Variants in SLC25A28 observed in about 807,000 individuals in gnomAD.
The protein encoded by SLC25A28 is solute carrier family 25 member 28.
SLC25A28 carries 10 observed loss-of-function variants against 31.9 expected under a neutral mutation model. The ratio of observed to expected loss-of-function variants is 0.31; its 90% CI spans 0.19 to 0.53. The LOEUF (loss-of-function observed/expected upper bound fraction) is 0.53, where lower values mean the gene tolerates loss of function less well. Ranked by LOEUF, SLC25A28 falls within the 20% of genes least tolerant of loss-of-function variation. The pLI is 0.95. For synonymous variants in SLC25A28, 208 were observed against 203.6 expected (o/e 1.02, Z -0.19); for missense variants, 256 against 490.3 (o/e 0.52, Z 4.51).
the SLC25A28 span, among the ~76,000 whole-genome samples, chr10:99,634,910 C>T: frequency 5.3e-5 from 8 of 152,136 alleles, no homozygotes; most frequent in Non-Finnish European, 8.8e-5. Flanking sequence ...ACCAGGTAAC[C>T]TATAAAGGAA....
chr10:99,633,919 C>A, the SLC25A28 span, among the ~76,000 whole-genome samples: 1 of 152,208 alleles, frequency 6.6e-6, no homozygotes, highest in African/African-American at 2.4e-5. Flanking sequence ...GCCACCTGCA[C>A]TGGAACAGGT....
the SLC25A28 span, among the ~76,000 whole-genome samples, chr10:99,633,246 A>AT: frequency 6.6e-6 from 1 of 151,948 alleles, no homozygotes; most frequent in Non-Finnish European, 1.5e-5. Flanking sequence ...TTCTTACTAC[A>AT]TTTTTATTAC....
chr10:99,624,657 A>C (rs2034851420), upstream of SLC25A28, among the ~76,000 whole-genome samples: 1 of 152,174 alleles, frequency 6.6e-6, no homozygotes, highest in East Asian at 1.9e-4. Flanking sequence ...CAACATGGTG[A>C]AACCCTGTCT....
At chr10:99,637,187 C>A in the SLC25A28 span, among the ~76,000 whole-genome samples, 2 of 151,942 alleles carry the variant, frequency 1.3e-5, no homozygotes, top group Non-Finnish European at 2.9e-5. Flanking sequence ...TAAAAACAAA[C>A]CACATGATCA....
chr10:99,639,722 T>TACACACACACACAC, the SLC25A28 span, among the ~76,000 whole-genome samples: 159 of 131,126 alleles, frequency 1.2e-3, no homozygotes, highest in Admixed American at 2.8e-3. Flanking sequence ...GCACCATGGG[T>TACACACACACACAC]ACACACACAC....
upstream of SLC25A28, among the ~76,000 whole-genome samples, chr10:99,623,736 C>T (rs2034832644): frequency 1.3e-5 from 2 of 152,206 alleles, no homozygotes; most frequent in Admixed American, 6.5e-5. Context: ...CACATTTCCT[C>T]CTCTGCCACA....
rs1467099430 is a variant in SLC25A28, at chr10:99,611,524, T to C, written c.578-158A>G. 2 of 863,562 alleles carry C rather than the reference T, an allele frequency of 2.3e-6. No homozygotes were observed. The highest frequency in any genetic ancestry group is 5.6e-5 in the Admixed American group (2 of 35,496). The allele number at this position is 863,562 out of a possible 1,614,324, so 53.5% of individuals were successfully genotyped here. Reference sequence around the variant, plus strand: ...GGCTAACCTGAGAAGTCAGCTTCCCTTTTTTGAGGGGAAGGAGTAAGCAGA... The same window carrying C: ...GGCTAACCTGAGAAGTCAGCTTCCCCTTTTTGAGGGGAAGGAGTAAGCAGA... On this transcript the variant is annotated intron_variant, in intron 3 of 3. Transcript: ENST00000370495. This position sits in a 1 kb window ranked among gnomAD's most constrained non-coding sequence, Gnocchi z 5.5.
At chr10:99,616,336 G>A in intron 1 of SLC25A28, 1 of 776,030 alleles carries the variant, frequency 1.3e-6, no homozygotes, top group Non-Finnish European at 1.6e-6. Flanking sequence ...ATAACATGAG[G>A]CCAAGAATGA....
the SLC25A28 span, among the ~76,000 whole-genome samples, chr10:99,651,790 A>G: frequency 2.0e-4 from 30 of 151,734 alleles, no homozygotes; most frequent in Non-Finnish European, 3.5e-4. Context: ...TTAAAGATAG[A>G]GTCTGACTGT....
chr10:99,654,604 C>T, the SLC25A28 span, among the ~76,000 whole-genome samples: 1 of 151,912 alleles, frequency 6.6e-6, no homozygotes, highest in African/African-American at 2.4e-5. Flanking sequence ...TGCAGTCAGC[C>T]GAGATTGCAC....
the SLC25A28 span, among the ~76,000 whole-genome samples, chr10:99,642,589 C>T: frequency 1.3e-5 from 2 of 152,176 alleles, no homozygotes; most frequent in Admixed American, 6.5e-5. Flanking sequence ...CTGGCCAGAA[C>T]TTCCAACACT....
chr10:99,625,353 G>A, upstream of SLC25A28, among the ~76,000 whole-genome samples: 1 of 151,944 alleles, frequency 6.6e-6, no homozygotes, highest in East Asian at 1.9e-4. Context: ...ATTTTACAGA[G>A]CATTGATTGG....
At chr10:99,625,776 C>T in the SLC25A28 span, among the ~76,000 whole-genome samples, 2 of 152,192 alleles carry the variant, frequency 1.3e-5, no homozygotes, top group African/African-American at 4.8e-5. Context: ...AGGATATGTT[C>T]TCCTCTTGCT....
chr10:99,624,094 T>C (rs898213834), upstream of SLC25A28, among the ~76,000 whole-genome samples: 6 of 151,352 alleles, frequency 4.0e-5, no homozygotes, highest in Admixed American at 1.3e-4. Context: ...TTCTTCTCTT[T>C]CTTTCTTCCT....
the SLC25A28 span, among the ~76,000 whole-genome samples, chr10:99,647,893 C>T: frequency 2.6e-5 from 4 of 152,082 alleles, no homozygotes; most frequent in African/African-American, 9.7e-5. Flanking sequence ...TTTCCTAGCA[C>T]CATTTGTTGA....
chr10:99,615,433 A>T (rs1199426898), intron 1 of SLC25A28: 2 of 984,702 alleles, frequency 2.0e-6, no homozygotes, highest in East Asian at 2.3e-4. Flanking sequence ...CCTCAAGAGC[A>T]TGGGAGAAAA....
the SLC25A28 span, among the ~76,000 whole-genome samples, chr10:99,645,514 A>G: frequency 3.2e-3 from 493 of 152,256 alleles, 3 homozygotes; most frequent in African/African-American, 0.011. Context: ...CCTTTAGCTT[A>G]GAGAAGTTTG....
At chr10:99,617,287 G>C (rs1246315200) in intron 1 of SLC25A28, 1 of 985,304 alleles carries the variant, frequency 1.0e-6, no homozygotes, top group East Asian at 1.1e-4. Context: ...CATGGAAATA[G>C]CTGGTTGAAT....
the SLC25A28 span, among the ~76,000 whole-genome samples, chr10:99,652,763 G>A: frequency 6.6e-6 from 1 of 152,180 alleles, no homozygotes; most frequent in Non-Finnish European, 1.5e-5. Flanking sequence ...TGGTCTCTCT[G>A]AGGAGGGGCC....
Sources: gnomAD v4.1 joint callset for allele counts (sites outside exome capture counted in the v4.1 genomes callset) on GRCh38, gnomAD v4.1.1 for gene constraint, Gnocchi (gnomAD v3.1) non-coding constraint, MANE v1.5 for transcripts, NCBI Gene and HGNC (gene_info 2026-07-23, HGNC 2026-07-21) for gene names.